TBX5: variants seen among roughly 807,000 people sequenced by gnomAD.
TBX5 encodes T-box transcription factor TBX5.
TBX5 carries 8 observed loss-of-function variants against 51.1 expected under a neutral mutation model. The observed-to-expected ratio is 0.16, with a 90% confidence interval of 0.09 to 0.28. The LOEUF is 0.28. Among genes scored for constraint, TBX5 ranks in the 10% least tolerant of loss-of-function variants. The pLI is 1.00. For missense variants in TBX5, 589 were observed against 671.7 expected, an observed-to-expected ratio of 0.88 and a Z score of 1.36; for synonymous variants, 302 against 266.4, an observed-to-expected ratio of 1.13 and a Z score of -1.30.
chr12:114,358,485 T>C (rs1869040617), intron 8 of TBX5, among the ~76,000 whole-genome samples: 1 of 152,152 alleles, frequency 6.6e-6, no homozygotes, highest in Non-Finnish European at 1.5e-5. Flanking sequence ...ATCAGCTCCA[T>C]TTGTATCAAT....
At chr12:114,385,920 G>A (rs1383868824) in intron 6 of TBX5, among the ~76,000 whole-genome samples, 1 of 151,164 alleles carries the variant, frequency 6.6e-6, no homozygotes, top group African/African-American at 2.4e-5. Flanking sequence ...CTCCCCTTTG[G>A]AAAGCTGTGC....
chr12:114,375,987 A>C (rs1485799832), intron 7 of TBX5, among the ~76,000 whole-genome samples: 1 of 152,104 alleles, frequency 6.6e-6, no homozygotes, highest in Non-Finnish European at 1.5e-5. Flanking sequence ...GGAAGCTGTA[A>C]TGAGCCCTGA....
intron 2 of TBX5, among the ~76,000 whole-genome samples, chr12:114,403,208 C>A (rs1871942861): frequency 1.3e-5 from 2 of 152,246 alleles, no homozygotes; most frequent in East Asian, 1.9e-4. Context: ...GGCGCGCCAG[C>A]CAGCCAGGCC....
At chr12:114,361,581 T>G (rs1255210030) in intron 8 of TBX5, among the ~76,000 whole-genome samples, 2 of 152,032 alleles carry the variant, frequency 1.3e-5, no homozygotes, top group African/African-American at 4.8e-5. Flanking sequence ...AGACAGCCGG[T>G]TCCAAACACA....
chr12:114,356,106 T>A lies in TBX5; in HGVS notation c.983A>T (p.Glu328Val). ...ATGGTCTGTGGTGGAACATTCTTCCTCTGTGAAGACAGGAGAGACAGCAGT... is the reference window on the plus strand; with the variant it reads ...ATGGTCTGTGGTGGAACATTCTTCCACTGTGAAGACAGGAGAGACAGCAGT... The part of the protein sequence containing the change: ...SQIYHCTKRK[E>V]EECSTTDHPY... The change falls in exon 9 of 9, where the codon GAG (glutamate) becomes GTG (valine). Residue 328 changes from glutamate to valine, a missense_variant and splice_region_variant. Physicochemically the swap from Glu to Val is moderately radical, Grantham distance 121. This residue lies in a region of TBX5 where 348 missense variants were observed against 360.4 expected (regional missense o/e 0.97). Transcript: ENST00000405440. The A allele has an allele frequency of 6.2e-7, 1 of 1,609,654 alleles. No individual in the cohort carries two copies.
At chr12:114,399,480 T>C in intron 4 of TBX5, 33 bp downstream of exon 4, 1 of 1,613,578 alleles carries the variant, frequency 6.2e-7, no homozygotes, top group Non-Finnish European at 8.5e-7. Flanking sequence ...CACTTTTCTC[T>C]CTCCCCGCTC....
intron 6 of TBX5, among the ~76,000 whole-genome samples, chr12:114,391,953 C>T (rs1168951262): frequency 6.6e-6 from 1 of 152,046 alleles, no homozygotes; most frequent in African/African-American, 2.4e-5. Flanking sequence ...AGTTGTCTCC[C>T]ATGAAATTTC....
chr12:114,394,718 T>C, intron 6 of TBX5, 23 bp downstream of exon 6: 1 of 1,613,896 alleles, frequency 6.2e-7, no homozygotes, highest in Non-Finnish European at 8.5e-7. Flanking sequence ...CCCCAGGCAC[T>C]GGTTCCTGGG....
At chr12:114,362,104 C>A (rs1869273367) in intron 8 of TBX5, among the ~76,000 whole-genome samples, 1 of 152,050 alleles carries the variant, frequency 6.6e-6, no homozygotes, top group African/African-American at 2.4e-5. Flanking sequence ...GCCACTAAGG[C>A]CTGATTCCAC....
At chr12:114,366,716 A>G (rs1400051035) in intron 7 of TBX5, among the ~76,000 whole-genome samples, 1 of 152,218 alleles carries the variant, frequency 6.6e-6, no homozygotes, top group Non-Finnish European at 1.5e-5. Context: ...AAATATGTCA[A>G]TTTAGTCTAT....
intron 7 of TBX5, among the ~76,000 whole-genome samples, chr12:114,381,043 T>C (rs775028717): frequency 6.6e-6 from 1 of 152,170 alleles, no homozygotes; most frequent in Non-Finnish European, 1.5e-5. Flanking sequence ...AGCTCCCAAA[T>C]TTTTATAATA....
At chr12:114,379,822 G>A (rs1187738621) in intron 7 of TBX5, among the ~76,000 whole-genome samples, 2 of 152,188 alleles carry the variant, frequency 1.3e-5, no homozygotes, top group Admixed American at 6.5e-5. Flanking sequence ...AAATGTTTTA[G>A]TTGCATAAAC....
Position 114,366,253 on chromosome 12 carries a change from G to A in TBX5, c.894C>T (p.Ser298=), listed in dbSNP as rs770206057. The A allele has an allele frequency of 3.1e-5, 50 of 1,614,044 alleles. No homozygotes were observed. Among genetic ancestry groups the A allele is most frequent in the Admixed American group, 1.2e-4 (7 of 60,012 alleles). Residue 298 remains serine, a synonymous_variant, in exon 8 of 9, where the codon TCC becomes TCT. Coordinates refer to ENST00000405440, the MANE Select transcript of TBX5 (RefSeq NM_181486.4). ...GSQYQCENGV[S]GPSQDLLPPP... ...GAGGCAGGAGGTCCTGGGAGGGGCCGGAAACACCATTCTCACACTGGTATT... is the reference window on the plus strand; with the variant it reads ...GAGGCAGGAGGTCCTGGGAGGGGCCAGAAACACCATTCTCACACTGGTATT...
rs958113281 is a variant in TBX5 at position 114,385,468 on chromosome 12, T to C, written c.755+8A>G. The C allele has an allele frequency of 3.7e-6, 6 of 1,613,954 alleles. No homozygotes were observed. Among genetic ancestry groups the C allele is most frequent in the Non-Finnish European group, 5.1e-6 (6 of 1,179,848 alleles). ...GGGAGGAGAAAGTTGAGGAATCCAC[T>C]TTCCTACCTTTGCATTCTTGACATT... is the stretch of plus-strand genomic sequence containing the variant. On this transcript the variant is annotated splice_region_variant and intron_variant, in intron 7 of 8. Transcript: ENST00000405440.
rs79887566 is a variant in TBX5, at chr12:114,392,777, A to G, written c.663+1964T>C. ...AGCTAAACACAGGTTTACAGCAGCC[A>G]TTGAGGGAAACAGGTTTCAAGGAGA... On this transcript the variant is annotated intron_variant, in intron 6 of 8. Transcript: ENST00000405440. Among the ~76,000 whole-genome samples the G allele has an allele frequency of 1.1e-4, 16 of 152,178 alleles. No individual in the cohort carries two copies. In the East Asian group the frequency reaches 1.7e-3, roughly 17 times the overall value.
chr12:114,369,326 T>C (rs1869726965), intron 7 of TBX5, among the ~76,000 whole-genome samples: 1 of 152,248 alleles, frequency 6.6e-6, no homozygotes, highest in Non-Finnish European at 1.5e-5. Flanking sequence ...GTCCTGCTTT[T>C]GATTACTAAC....
chr12:114,387,010 G>A (rs541925398), intron 6 of TBX5, among the ~76,000 whole-genome samples: 157 of 152,002 alleles, frequency 1.0e-3, no homozygotes, highest in African/African-American at 2.9e-3. Context: ...AGAGGCTAAG[G>A]CAGGTGAATC....
At chr12:114,361,282 CAT>C (rs1242591442) in intron 8 of TBX5, among the ~76,000 whole-genome samples, 1 of 152,222 alleles carries the variant, frequency 6.6e-6, no homozygotes, top group Non-Finnish European at 1.5e-5. Context: ...CATTTTAAAA[CAT>C]AGCACTCAGA....
At chr12:114,400,395 G>T (rs112546739) in intron 3 of TBX5, among the ~76,000 whole-genome samples, 8 of 152,366 alleles carry the variant, frequency 5.3e-5, no homozygotes, top group African/African-American at 1.4e-4. Flanking sequence ...TTATCAAGCC[G>T]ATGGCCCGGA....
Sources: gnomAD v4.1 joint callset for allele counts (sites outside exome capture counted in the v4.1 genomes callset) on GRCh38, gnomAD v4.1.1 for gene constraint, gnomAD v4.1.1 regional missense constraint, MANE v1.5 for transcripts, NCBI Gene and HGNC (gene_info 2026-07-23, HGNC 2026-07-21) for gene names.